MATN2: variants seen among roughly 807,000 people sequenced by gnomAD.
The protein encoded by MATN2 is matrilin-2.
MATN2 carries 69 observed loss-of-function variants against 103.2 expected under a neutral mutation model. The observed-to-expected ratio is 0.67, with a 90% CI of 0.55 to 0.82. The LOEUF is 0.82. Among genes scored for constraint, MATN2 ranks in the 40% least tolerant of loss-of-function variants. The pLI, the probability that MATN2 is intolerant of heterozygous loss-of-function variation, is 0.00. For missense variants in MATN2, 1,023 were observed against 1,211.5 expected (o/e 0.84, Z 2.31); for synonymous variants, 429 against 450.2 (o/e 0.95, Z 0.60).
At chr8:97,937,577 C>A (rs1810414699) in intron 3 of MATN2, among the ~76,000 whole-genome samples, 1 of 144,444 alleles carries the variant, frequency 6.9e-6, no homozygotes, top group South Asian at 2.2e-4. Flanking sequence ...TCCCCCTCCC[C>A]ACTAACTTTT....
intron 11 of MATN2, among the ~76,000 whole-genome samples, chr8:98,017,319 C>T (rs1813399008): frequency 2.6e-5 from 4 of 152,218 alleles, no homozygotes; most frequent in Non-Finnish European, 5.9e-5. Flanking sequence ...TTTTGCCTTT[C>T]AGAAGGCAAA....
chr8:98,032,056 A>G (rs1052918531), intron 15 of MATN2, 190 bp from the exon 16 acceptor site: 1 of 441,668 alleles, frequency 2.3e-6, no homozygotes, highest in Non-Finnish European at 4.0e-6. Context: ...ACGAGAGAGA[A>G]TTGCCCTAGA....
At chr8:98,028,026 A>C (rs1221710742) in intron 14 of MATN2, among the ~76,000 whole-genome samples, 197 bp downstream of exon 14, 1 of 152,198 alleles carries the variant, frequency 6.6e-6, no homozygotes, top group Non-Finnish European at 1.5e-5. Context: ...TAAAGTGCTC[A>C]GGAAGGAGTC....
intron 2 of MATN2, among the ~76,000 whole-genome samples, chr8:97,918,952 T>G (rs1007467927): frequency 6.6e-6 from 1 of 152,204 alleles, no homozygotes; most frequent in Non-Finnish European, 1.5e-5. Flanking sequence ...CTGAACCTAA[T>G]TGAATGCCAG....
At chr8:97,890,279 A>G (rs1462513010) in intron 2 of MATN2, among the ~76,000 whole-genome samples, 2 of 152,160 alleles carry the variant, frequency 1.3e-5, no homozygotes, top group Non-Finnish European at 2.9e-5. Context: ...AGCCTGACCA[A>G]CATGGTGAAA....
intron 6 of MATN2, among the ~76,000 whole-genome samples, chr8:97,983,096 C>T (rs961495816): frequency 2.6e-5 from 4 of 152,208 alleles, no homozygotes; most frequent in Non-Finnish European, 5.9e-5. Flanking sequence ...CTGTGAATTT[C>T]ACCACTCTCG....
chr8:98,022,249 G>A (rs1005231006), intron 13 of MATN2, among the ~76,000 whole-genome samples: 2 of 151,976 alleles, frequency 1.3e-5, no homozygotes, highest in Non-Finnish European at 2.9e-5. Flanking sequence ...TTTATAGTAT[G>A]TTACCATCGA....
rs1257538706 is a variant in MATN2, at chr8:97,944,297, GTC to G, written c.835+2399_835+2400del. Among the ~76,000 whole-genome samples, 7 of 152,232 alleles carry G rather than the reference GTC, an allele frequency of 4.6e-5. No homozygotes were observed. The East Asian group carries it at 1.3e-3, about 29-fold the overall frequency. On this transcript the variant is annotated intron_variant, in intron 4 of 18. Transcript: ENST00000254898. ...ATTCACTGGCCTCAGGCAGTGAGGG[GTC>G]CCAGGGAAGGGCTTAGCAGAGCTCT...
At chr8:97,919,667 C>T (rs1809747475) in intron 2 of MATN2, among the ~76,000 whole-genome samples, 1 of 152,152 alleles carries the variant, frequency 6.6e-6, no homozygotes, top group South Asian at 2.1e-4. Flanking sequence ...CTCTTCCCTG[C>T]CCTCCCAAAC....
chr8:97,948,632 G>T (rs1431392344), intron 4 of MATN2, among the ~76,000 whole-genome samples: 1 of 152,150 alleles, frequency 6.6e-6, no homozygotes, highest in Non-Finnish European at 1.5e-5. Flanking sequence ...TGCAGCAATT[G>T]AACTGCCATG....
chr8:98,011,583 T>C (rs1330300669), intron 10 of MATN2, among the ~76,000 whole-genome samples: 1 of 152,192 alleles, frequency 6.6e-6, no homozygotes, highest in Non-Finnish European at 1.5e-5. Flanking sequence ...CTTCTTGGTT[T>C]GTCTGAGAAA....
intron 10 of MATN2, among the ~76,000 whole-genome samples, chr8:98,009,709 G>A (rs1245327582): frequency 1.3e-5 from 2 of 152,172 alleles, no homozygotes; most frequent in African/African-American, 2.4e-5. Context: ...GCCTCGGGCA[G>A]TTAGATGCAC....
chr8:97,896,310 T>G (rs966996286), intron 2 of MATN2, among the ~76,000 whole-genome samples: 2 of 152,252 alleles, frequency 1.3e-5, no homozygotes, highest in African/African-American at 4.8e-5. Flanking sequence ...AGGTCTCATC[T>G]CAGATGTGGT....
chr8:97,986,016 A>G (rs1812180263), intron 6 of MATN2, among the ~76,000 whole-genome samples: 1 of 152,234 alleles, frequency 6.6e-6, no homozygotes, highest in South Asian at 2.1e-4. Context: ...TATCAAAAAC[A>G]TTTTAATGTC....
At chr8:97,966,424 G>C (rs1811481747) in intron 5 of MATN2, among the ~76,000 whole-genome samples, 1 of 151,646 alleles carries the variant, frequency 6.6e-6, no homozygotes, top group South Asian at 2.1e-4. Context: ...GGGTATGGTG[G>C]TGCACACCTG....
Position 97,931,676 on chromosome 8 carries a change from T to G in MATN2, c.712+154T>G, listed in dbSNP as rs1239419811. On this transcript the variant is annotated intron_variant, in intron 3 of 18. Transcript: ENST00000254898. The surrounding 1 kb of genome is among the most constrained non-coding windows in gnomAD (Gnocchi z 4.1). ...ATAAACACAACGTGCTCCAGGGGCT[T>G]ACACTTTGGCCAAGAGACACATGTT... is the stretch of plus-strand genomic sequence containing the variant. 2.0e-5 allele frequency among the ~76,000 whole-genome samples: 3 copies of G among 152,204 alleles called. No individual in the cohort carries two copies. The highest frequency in any genetic ancestry group is 2.9e-5 in the Non-Finnish European group (2 of 68,032).
intron 5 of MATN2, among the ~76,000 whole-genome samples, chr8:97,971,977 CTT>C (rs1811666907): frequency 2.0e-5 from 3 of 151,524 alleles, no homozygotes; most frequent in Non-Finnish European, 4.4e-5. Flanking sequence ...GGGCAGATCT[CTT>C]GAGCTCAGGA....
Position 98,007,031 on chromosome 8 carries a change from G to A in MATN2, c.1328-74G>A. On this transcript the variant is annotated intron_variant, in intron 8 of 18. Coordinates refer to ENST00000254898, the MANE Select transcript of MATN2 (RefSeq NM_002380.5). This position sits in a 1 kb window ranked among gnomAD's most constrained non-coding sequence, Gnocchi z 4.2. ...TGTGGCTTGTTATGCCTCCGGTTTT[G>A]TTTTTGAATCTTGGTTGCTGGTGGG... 3 of 1,520,398 alleles carry A rather than the reference G, an allele frequency of 2.0e-6. No individual in the cohort carries two copies. Among genetic ancestry groups the A allele is most frequent in the Non-Finnish European group, 2.7e-6 (3 of 1,122,016 alleles). 94.2% of individuals were successfully genotyped at this position (1,520,398 alleles called of 1,614,324 possible). A position where few individuals can be genotyped will look rare whatever the true frequency, so the allele number is the denominator to read the frequency against.
intron 4 of MATN2, among the ~76,000 whole-genome samples, chr8:97,953,042 C>A (rs1462239485): frequency 6.6e-6 from 1 of 151,052 alleles, no homozygotes; most frequent in Non-Finnish European, 1.5e-5. Context: ...CCTACCTCAG[C>A]CTCCCTAGTA....
Sources: gnomAD v4.1 joint callset for allele counts (sites outside exome capture counted in the v4.1 genomes callset) on GRCh38, gnomAD v4.1.1 for gene constraint, Gnocchi (gnomAD v3.1) non-coding constraint, MANE v1.5 for transcripts, NCBI Gene and HGNC (gene_info 2026-07-23, HGNC 2026-07-21) for gene names.